Variants in ORC5 observed in about 807,000 individuals in gnomAD.
ORC5 encodes the protein origin recognition complex subunit 5.
A neutral mutation model predicts 58.8 loss-of-function variants in ORC5; 39 were observed. The observed-to-expected ratio is 0.66, with a 90% CI of 0.51 to 0.87. ORC5 has a LOEUF of 0.87. Among genes scored for constraint, ORC5 ranks in the 40% least tolerant of loss-of-function variants. The pLI is 0.00. For missense variants in ORC5, 493 were observed against 506.3 expected, an observed-to-expected ratio of 0.97 and a Z score of 0.25; for synonymous variants, 218 against 177.6, an observed-to-expected ratio of 1.23 and a Z score of -1.81.
intron 5 of ORC5, among the ~76,000 whole-genome samples, chr7:104,191,628 T>C (rs948349968): frequency 2.0e-5 from 3 of 151,178 alleles, no homozygotes; most frequent in Middle Eastern, 6.8e-3. Flanking sequence ...CCTAGCAACT[T>C]GTTTATAGAC....
At chr7:104,173,853 T>C (rs59535311) in intron 8 of ORC5, among the ~76,000 whole-genome samples, 13,509 of 144,500 alleles carry the variant, frequency 0.093, 1,862 homozygotes, top group East Asian at 0.48. Flanking sequence ...TTCTTTTTTT[T>C]TTTTTTTTTG....
At chr7:104,191,741 T>C (rs900507610) in intron 5 of ORC5, among the ~76,000 whole-genome samples, 6 of 151,938 alleles carry the variant, frequency 3.9e-5, no homozygotes, top group Non-Finnish European at 8.8e-5. Context: ...CCATCTATAA[T>C]AGAAAGCTGA....
intron 12 of ORC5, among the ~76,000 whole-genome samples, chr7:104,146,893 T>C (rs1334873936): frequency 6.6e-6 from 1 of 152,202 alleles, no homozygotes; most frequent in East Asian, 1.9e-4. Flanking sequence ...CTTTGCCAGA[T>C]GTTATACCAC....
chr7:104,201,511 A>G (rs1799942024), intron 2 of ORC5, among the ~76,000 whole-genome samples: 1 of 152,060 alleles, frequency 6.6e-6, no homozygotes, highest in African/African-American at 2.4e-5. Flanking sequence ...GTATTTTCCT[A>G]TAAAGAATTC....
At chr7:104,194,689 C>A (rs1370221755) in intron 5 of ORC5, among the ~76,000 whole-genome samples, 1 of 152,036 alleles carries the variant, frequency 6.6e-6, no homozygotes, top group Non-Finnish European at 1.5e-5. Context: ...AAGATTTCAA[C>A]ACTCTTAATA....
chr7:104,174,037 G>T (rs1479563675), intron 8 of ORC5, among the ~76,000 whole-genome samples: 1 of 151,100 alleles, frequency 6.6e-6, no homozygotes, highest in Non-Finnish European at 1.5e-5. Flanking sequence ...GTAGAGACGG[G>T]GTTTCACCGT....
chr7:104,174,654 T>C (rs944533660), intron 8 of ORC5, among the ~76,000 whole-genome samples: 3 of 152,186 alleles, frequency 2.0e-5, no homozygotes, highest in Admixed American at 1.3e-4. Flanking sequence ...GCTGGCACCA[T>C]GCAACGGCAG....
At chr7:104,172,475 A>G (rs1005331600) in intron 8 of ORC5, among the ~76,000 whole-genome samples, 5 of 152,150 alleles carry the variant, frequency 3.3e-5, no homozygotes, top group African/African-American at 1.2e-4. Flanking sequence ...TAGGCTAATC[A>G]GTTAATTAAA....
In ORC5 at chr7:104,158,153, AC is replaced by A. The variant is rs371566519; in HGVS notation, c.1149+2918del. Among the ~76,000 whole-genome samples the A allele has an allele frequency of 3.3e-3, 502 of 152,018 alleles. 3 individuals are homozygous for A. The highest frequency in any genetic ancestry group is 0.012 in the African/African-American group (488 of 41,496). ...TTTTCATCTTCTGTGAACTCTTTCA[AC>A]CTGCCCAATCTAGAATTGATCTCTT... On this transcript the variant is annotated intron_variant, in intron 12 of 13. Transcript: ENST00000297431.
intron 1 of ORC5, among the ~76,000 whole-genome samples, chr7:104,206,257 G>T (rs933591743): frequency 6.6e-6 from 1 of 152,188 alleles, no homozygotes; most frequent in Non-Finnish European, 1.5e-5. Flanking sequence ...ACAAATAAAT[G>T]AGTATTCTTA....
chr7:104,151,095 A>G (rs536991488), intron 12 of ORC5, among the ~76,000 whole-genome samples: 1 of 152,240 alleles, frequency 6.6e-6, no homozygotes, highest in East Asian at 1.9e-4. Context: ...CTTATTGTGA[A>G]TGGTATATAT....
intron 12 of ORC5, among the ~76,000 whole-genome samples, chr7:104,143,838 G>A (rs1798712442): frequency 6.6e-6 from 1 of 152,058 alleles, no homozygotes; most frequent in Admixed American, 6.6e-5. Context: ...CAGTGAACAG[G>A]CCGGGTGCGG....
chr7:104,178,318 T>C (rs1584507035), intron 8 of ORC5, among the ~76,000 whole-genome samples: 2 of 152,354 alleles, frequency 1.3e-5, no homozygotes, highest in Middle Eastern at 3.4e-3. Flanking sequence ...TAATGACCAG[T>C]GCTGATGAGC....
chr7:104,175,137 C>T (rs1292032102), intron 8 of ORC5, among the ~76,000 whole-genome samples: 1 of 152,106 alleles, frequency 6.6e-6, no homozygotes, highest in Non-Finnish European at 1.5e-5. Context: ...CTTGTGCTTC[C>T]TTGGTAGAAT....
intron 12 of ORC5, among the ~76,000 whole-genome samples, chr7:104,144,388 T>G (rs1172461460): frequency 6.6e-6 from 1 of 152,200 alleles, no homozygotes; most frequent in East Asian, 1.9e-4. Flanking sequence ...TATTATCCAA[T>G]CCTTAAATTG....
At chr7:104,193,766 T>C (rs1368316265) in intron 5 of ORC5, among the ~76,000 whole-genome samples, 3 of 151,258 alleles carry the variant, frequency 2.0e-5, no homozygotes, top group Non-Finnish European at 4.4e-5. Flanking sequence ...TAAAATTTAA[T>C]AATCAGAATT....
At chr7:104,195,110 T>C (rs375404992) in intron 5 of ORC5, 33 bp downstream of exon 5, 3 of 1,110,158 alleles carry the variant, frequency 2.7e-6, no homozygotes, top group Non-Finnish European at 2.6e-6. Flanking sequence ...TTCTCCTGCA[T>C]ATCATTTGCC....
chr7:104,173,689 T>C (rs999321053), intron 8 of ORC5, among the ~76,000 whole-genome samples: 1 of 152,182 alleles, frequency 6.6e-6, no homozygotes, highest in Non-Finnish European at 1.5e-5. Flanking sequence ...TGGCAATCCC[T>C]TTCTGGTAAG....
intron 3 of ORC5, among the ~76,000 whole-genome samples, chr7:104,198,290 T>C (rs1259496767): frequency 1.3e-5 from 2 of 152,234 alleles, no homozygotes; most frequent in Admixed American, 1.3e-4. Context: ...ATGGGAAAGT[T>C]TGCAACTTCC....
Sources: gnomAD v4.1 joint callset for allele counts (sites outside exome capture counted in the v4.1 genomes callset) on GRCh38, gnomAD v4.1.1 for gene constraint, MANE v1.5 for transcripts, NCBI Gene and HGNC (gene_info 2026-07-23, HGNC 2026-07-21) for gene names.